CAMK1D: variants seen among roughly 807,000 people sequenced by gnomAD.
CAMK1D encodes the protein calcium/calmodulin-dependent protein kinase type 1D.
CAMK1D carries 9 observed loss-of-function variants against 47.7 expected under a neutral mutation model. The ratio of observed to expected loss-of-function variants is 0.19; its 90% CI spans 0.11 to 0.33. CAMK1D has a LOEUF of 0.33. CAMK1D is among the 10% of genes least tolerant of loss of function. CAMK1D has a pLI of 1.00. For synonymous variants in CAMK1D, 184 were observed against 184.9 expected (o/e 0.99, Z 0.04); for missense variants, 291 against 488.7 (o/e 0.60, Z 3.81).
At chr10:12,620,208 A>AAAAAAAAAAAT (rs1588697799) in intron 2 of CAMK1D, among the ~76,000 whole-genome samples, 1 of 149,968 alleles carries the variant, frequency 6.7e-6, no homozygotes, top group Non-Finnish European at 1.5e-5. Flanking sequence ...AAAAAAAAAA[A>AAAAAAAAAAAT]AAAAAAAAAA....
At chr10:12,595,051 T>A (rs1838102455) in intron 2 of CAMK1D, among the ~76,000 whole-genome samples, 3 of 152,046 alleles carry the variant, frequency 2.0e-5, no homozygotes, top group Admixed American at 2.0e-4. Flanking sequence ...TTCAAGGTGA[T>A]CTGGGGGAGA....
At chr10:12,616,259 G>T (rs1198837736) in intron 2 of CAMK1D, among the ~76,000 whole-genome samples, 3 of 152,144 alleles carry the variant, frequency 2.0e-5, no homozygotes, top group African/African-American at 7.2e-5. Flanking sequence ...CCAAGTATGG[G>T]CAGGCTTGAA....
rs143719653 is a variant in CAMK1D, at chr10:12,511,852, C to T, written c.93-41373C>T. Reference sequence around the variant, plus strand: ...TCATGACGATGAATGTATAACCTCTCGCCAAGCCAGCGGCATCTCCAGCAG... The same window carrying T: ...TCATGACGATGAATGTATAACCTCTTGCCAAGCCAGCGGCATCTCCAGCAG... On this transcript the variant is annotated intron_variant, in intron 1 of 10. Transcript: ENST00000619168. Among the ~76,000 whole-genome samples the T allele has an allele frequency of 7.8e-4, 119 of 152,348 alleles. 1 individual carries two copies. The East Asian group carries it at 0.02, about 26-fold the overall frequency.
chr10:12,515,407 T>C (rs1406913737), intron 1 of CAMK1D, among the ~76,000 whole-genome samples: 2 of 80,206 alleles, frequency 2.5e-5, no homozygotes, highest in Admixed American at 1.3e-4. Flanking sequence ...CTTTTCTTTT[T>C]TTTTTTTTTT....
chr10:12,810,441 AT>A (rs1056965881), intron 6 of CAMK1D, among the ~76,000 whole-genome samples: 1 of 151,998 alleles, frequency 6.6e-6, no homozygotes, highest in Non-Finnish European at 1.5e-5. Flanking sequence ...CGCCCAGCTA[AT>A]TTTGGTATTT....
At chr10:12,770,710 G>C (rs1836998806) in intron 5 of CAMK1D, among the ~76,000 whole-genome samples, 2 of 152,106 alleles carry the variant, frequency 1.3e-5, no homozygotes, top group African/African-American at 4.8e-5. Flanking sequence ...ACTGGGCTGA[G>C]AGGACAGGGA....
chr10:12,659,299 A>G (rs922035709), intron 2 of CAMK1D, among the ~76,000 whole-genome samples: 1 of 152,310 alleles, frequency 6.6e-6, no homozygotes, highest in South Asian at 2.1e-4. Context: ...TATCAGTTCT[A>G]TATTTTGGAG....
At chr10:12,692,939 A>G (rs1031508675) in intron 3 of CAMK1D, among the ~76,000 whole-genome samples, 3 of 152,188 alleles carry the variant, frequency 2.0e-5, no homozygotes, top group Non-Finnish European at 4.4e-5. Context: ...TGGCTGAGGT[A>G]TGGTGCCCGC....
At chr10:12,718,388 G>A (rs962976202) in intron 3 of CAMK1D, among the ~76,000 whole-genome samples, 1 of 152,172 alleles carries the variant, frequency 6.6e-6, no homozygotes, top group Non-Finnish European at 1.5e-5. Flanking sequence ...TACAGCATAA[G>A]AAAGTTTCTC....
At chr10:12,615,880 G>A (rs998015081) in intron 2 of CAMK1D, among the ~76,000 whole-genome samples, 1 of 151,570 alleles carries the variant, frequency 6.6e-6, no homozygotes, top group African/African-American at 2.4e-5. Context: ...GTGTATAAGT[G>A]TATGCATAAG....
At chr10:12,411,170 A>G (rs1839643334) in intron 1 of CAMK1D, among the ~76,000 whole-genome samples, 1 of 152,126 alleles carries the variant, frequency 6.6e-6, no homozygotes, top group Non-Finnish European at 1.5e-5. Context: ...CCCACTAACC[A>G]TCCCTGGGAC....
intron 2 of CAMK1D, among the ~76,000 whole-genome samples, chr10:12,658,427 G>A (rs1462223369): frequency 9.2e-5 from 14 of 151,878 alleles, no homozygotes; most frequent in Non-Finnish European, 2.1e-4. Context: ...AGTGATAGGG[G>A]AGGGGGGCAG....
chr10:12,496,843 G>A (rs1169944208), intron 1 of CAMK1D, among the ~76,000 whole-genome samples: 2 of 152,162 alleles, frequency 1.3e-5, no homozygotes, highest in African/African-American at 2.4e-5. Flanking sequence ...ACCTAGGTAT[G>A]AAGCCTGGCA....
At chr10:12,421,701 T>C (rs1840057966) in intron 1 of CAMK1D, among the ~76,000 whole-genome samples, 1 of 144,246 alleles carries the variant, frequency 6.9e-6, no homozygotes, top group Non-Finnish European at 1.5e-5. Flanking sequence ...AATTTTTATA[T>C]TTTTAGTAGA....
intron 5 of CAMK1D, among the ~76,000 whole-genome samples, chr10:12,785,864 C>T (rs886585490): frequency 5.3e-5 from 8 of 152,246 alleles, no homozygotes; most frequent in Non-Finnish European, 8.8e-5. Flanking sequence ...CTAGAAAGGC[C>T]GGGTGAATTC....
chr10:12,554,129 C>A (rs4750234), intron 2 of CAMK1D, among the ~76,000 whole-genome samples: 7 of 149,054 alleles, frequency 4.7e-5, no homozygotes, highest in Non-Finnish European at 8.9e-5. Context: ...TTTCCCTCCC[C>A]ACTCCCCTCC....
intron 3 of CAMK1D, among the ~76,000 whole-genome samples, chr10:12,672,063 C>A (rs760816521): frequency 7.3e-5 from 11 of 151,426 alleles, no homozygotes; most frequent in Non-Finnish European, 1.2e-4. Flanking sequence ...CTACAGGCAC[C>A]CGCCACCACG....
intron 3 of CAMK1D, among the ~76,000 whole-genome samples, chr10:12,720,780 G>A (rs1156532103): frequency 1.3e-5 from 2 of 152,144 alleles, no homozygotes; most frequent in South Asian, 2.1e-4. Flanking sequence ...TCCTCTCCAC[G>A]GTAAGGAGAT....
intron 1 of CAMK1D, among the ~76,000 whole-genome samples, chr10:12,529,092 T>A (rs1835721297): frequency 6.6e-6 from 1 of 152,042 alleles, no homozygotes; most frequent in Non-Finnish European, 1.5e-5. Context: ...CCCGTCTTGG[T>A]CTCCCAAAGT....
Sources: allele counts gnomAD v4.1 joint callset (sites outside exome capture counted in the v4.1 genomes callset), GRCh38; gene constraint gnomAD v4.1.1; transcripts MANE v1.5; gene names NCBI Gene and HGNC (gene_info 2026-07-23, HGNC 2026-07-21).